The following ADCY2 variants were observed in gnomAD, a reference collection of about 807,000 sequenced individuals.
ADCY2 encodes adenylate cyclase type 2.
Under a neutral mutation model 125.2 loss-of-function variants are expected in ADCY2, and 31 were observed. The ratio of observed to expected loss-of-function variants is 0.25; its 90% CI spans 0.19 to 0.33. The LOEUF (loss-of-function observed/expected upper bound fraction) is 0.33. ADCY2 is among the 10% of genes least tolerant of loss of function. The pLI is 1.00. For synonymous variants in ADCY2, 512 were observed against 548.4 expected (o/e 0.93, Z 0.93); for missense variants, 904 against 1,418.2 (o/e 0.64, Z 5.82).
chr5:7,537,783 A>AGCCTCCACAGCCTGGCCCCTCCC (rs1207713243), intron 3 of ADCY2, among the ~76,000 whole-genome samples: 1 of 152,246 alleles, frequency 6.6e-6, no homozygotes, highest in East Asian at 1.9e-4. Flanking sequence ...ATGGCCCTGC[A>AGCCTCCACAGCCTGGCCCCTCCC]GCCTCCACAG....
chr5:7,769,310 C>T (rs1743487982), intron 17 of ADCY2, among the ~76,000 whole-genome samples: 1 of 151,946 alleles, frequency 6.6e-6, no homozygotes, highest in Non-Finnish European at 1.5e-5. Context: ...TATTGTAACA[C>T]ACGATAAGGT....
At chr5:7,564,198 T>G (rs928891480) in intron 3 of ADCY2, among the ~76,000 whole-genome samples, 5 of 152,218 alleles carry the variant, frequency 3.3e-5, no homozygotes, top group Non-Finnish European at 7.3e-5. Flanking sequence ...CTAGGGTTGG[T>G]TATCTGTTGG....
At chr5:7,818,127 T>C (rs1745176791) in intron 23 of ADCY2, among the ~76,000 whole-genome samples, 1 of 152,140 alleles carries the variant, frequency 6.6e-6, no homozygotes, top group Non-Finnish European at 1.5e-5. Context: ...ATAAGAGCAG[T>C]TCAGGCAGCA....
chr5:7,638,066 T>C (rs1234254806), intron 4 of ADCY2, among the ~76,000 whole-genome samples: 1 of 152,202 alleles, frequency 6.6e-6, no homozygotes, highest in Non-Finnish European at 1.5e-5. Context: ...GCAACAGATA[T>C]CCTGAGCCTT....
intron 17 of ADCY2, among the ~76,000 whole-genome samples, chr5:7,772,184 A>G (rs1369722715): frequency 6.6e-6 from 1 of 152,216 alleles, no homozygotes; most frequent in African/African-American, 2.4e-5. Flanking sequence ...CTAATGAGTT[A>G]GTGAAGAGTT....
At chr5:7,565,337 G>C (rs939142370) in intron 3 of ADCY2, among the ~76,000 whole-genome samples, 4 of 152,214 alleles carry the variant, frequency 2.6e-5, no homozygotes, top group Non-Finnish European at 5.9e-5. Context: ...TTCAAAGCTA[G>C]AGAAATGAAT....
intron 2 of ADCY2, among the ~76,000 whole-genome samples, chr5:7,449,199 G>C (rs1189831455): frequency 6.6e-6 from 1 of 152,076 alleles, no homozygotes; most frequent in African/African-American, 2.4e-5. Flanking sequence ...ATCTCACTGT[G>C]GTTTTGATTT....
chr5:7,514,808 G>A (rs1234740663), intron 2 of ADCY2, among the ~76,000 whole-genome samples: 1 of 152,206 alleles, frequency 6.6e-6, no homozygotes, highest in Non-Finnish European at 1.5e-5. Context: ...GTGATCAGAG[G>A]TTGCTCAGGA....
chr5:7,822,262 G>A (rs566433167), intron 24 of ADCY2, among the ~76,000 whole-genome samples: 2 of 152,236 alleles, frequency 1.3e-5, no homozygotes, highest in South Asian at 2.1e-4. Context: ...ATCATGGTTT[G>A]GAAATTTTGC....
At chr5:7,711,168 AC>A (rs1308966014) in intron 10 of ADCY2, among the ~76,000 whole-genome samples, 1 of 152,184 alleles carries the variant, frequency 6.6e-6, no homozygotes, top group African/African-American at 2.4e-5. Context: ...GTTGTAGATG[AC>A]ATTTGAAGCC....
chr5:7,618,650 A>G (rs543078201), intron 3 of ADCY2, among the ~76,000 whole-genome samples: 1 of 152,344 alleles, frequency 6.6e-6, no homozygotes, highest in South Asian at 2.1e-4. Flanking sequence ...GTGGTGAATG[A>G]AGAGAATTAG....
At chr5:7,410,352 G>A (rs1475772808) in intron 1 of ADCY2, among the ~76,000 whole-genome samples, 2 of 151,638 alleles carry the variant, frequency 1.3e-5, no homozygotes, top group African/African-American at 2.4e-5. Flanking sequence ...AAAAGAAAAA[G>A]TACATTGAAA....
chr5:7,505,816 T>G (rs1743790761), intron 2 of ADCY2, among the ~76,000 whole-genome samples: 1 of 152,210 alleles, frequency 6.6e-6, no homozygotes, highest in Admixed American at 6.5e-5. Context: ...AATGAATAAT[T>G]CACTCATTTT....
At chr5:7,539,584 A>G (rs1579552111) in intron 3 of ADCY2, among the ~76,000 whole-genome samples, 2 of 152,212 alleles carry the variant, frequency 1.3e-5, no homozygotes, top group Admixed American at 1.3e-4. Flanking sequence ...CAATCACTCA[A>G]CTGTGAAGTT....
intron 3 of ADCY2, among the ~76,000 whole-genome samples, chr5:7,575,659 C>T (rs76749615): frequency 0.012 from 1,816 of 152,182 alleles, 33 homozygotes; most frequent in African/African-American, 0.041. Flanking sequence ...TTGATAAAGC[C>T]ATTCATTTTA....
At position 7,551,966 on chromosome 5, in the gene ADCY2, G is replaced by T. The variant is rs138541344; in HGVS notation, c.570+31067G>T. ...GGGAAATGTATTATTTGTTCATTGT[G>T]TATATTTAATTTTATTACCTGAACA... On this transcript the variant is annotated intron_variant, in intron 3 of 24. Coordinates refer to ENST00000338316, the MANE Select transcript of ADCY2 (RefSeq NM_020546.3). Among the ~76,000 whole-genome samples, 4 of 152,200 alleles carry T rather than the reference G, an allele frequency of 2.6e-5. No individual in the cohort carries two copies. The East Asian group carries it at 7.7e-4, about 29-fold the overall frequency.
At chr5:7,689,086 G>A (rs189836865) in intron 4 of ADCY2, among the ~76,000 whole-genome samples, 30 of 152,282 alleles carry the variant, frequency 2.0e-4, no homozygotes, top group Admixed American at 1.6e-3. Context: ...TTTCAAGTGG[G>A]TTCTGAGACG....
chr5:7,803,267 C>T (rs905363543), intron 21 of ADCY2, among the ~76,000 whole-genome samples: 7 of 152,156 alleles, frequency 4.6e-5, no homozygotes, highest in Non-Finnish European at 7.4e-5. Context: ...CCAGTACTAA[C>T]GAATGAGTGA....
intron 24 of ADCY2, among the ~76,000 whole-genome samples, chr5:7,825,115 G>A (rs1458869746): frequency 6.6e-6 from 1 of 151,274 alleles, no homozygotes; most frequent in African/African-American, 2.4e-5. Flanking sequence ...ACACTGCTAT[G>A]TGCCAGAACA....
Sources: allele counts gnomAD v4.1 joint callset (sites outside exome capture counted in the v4.1 genomes callset), GRCh38; gene constraint gnomAD v4.1.1; transcripts MANE v1.5; gene names NCBI Gene and HGNC (gene_info 2026-07-23, HGNC 2026-07-21).